DIS3L2: variants seen among roughly 807,000 people sequenced by gnomAD.
The protein encoded by DIS3L2 is DIS3-like exonuclease 2.
A neutral mutation model predicts 97.5 loss-of-function variants in DIS3L2; 34 were observed. The observed-to-expected ratio is 0.35, with a 90% CI of 0.27 to 0.46. DIS3L2 has a LOEUF of 0.46. DIS3L2 is among the 20% of genes least tolerant of loss of function. The pLI is 1.00. For synonymous variants in DIS3L2, 435 were observed against 445.2 expected, an observed-to-expected ratio of 0.98 and a Z score of 0.29; for missense variants, 1,038 against 1,146.0, an observed-to-expected ratio of 0.91 and a Z score of 1.36.
chr2:232,167,996 C>T (rs1053095944), intron 9 of DIS3L2, among the ~76,000 whole-genome samples: 3 of 151,804 alleles, frequency 2.0e-5, no homozygotes, highest in African/African-American at 7.3e-5. Flanking sequence ...TACAGTGAGC[C>T]GAGATTGTGC....
rs76845753 is a variant in DIS3L2 at position 232,269,416 on chromosome 2, A to G, written c.1659+5976A>G. On this transcript the variant is annotated intron_variant, in intron 13 of 20. Transcript: ENST00000325385. This position sits in a 1 kb window ranked among gnomAD's most constrained non-coding sequence, Gnocchi z 4.5. ...TGTCACTTAAACACACGAGGAAGCT[A>G]TTGATCACAGGGTTGAGTATATTTG... is the stretch of plus-strand genomic sequence containing the variant. 0.022 allele frequency among the ~76,000 whole-genome samples: 3,319 copies of G among 152,296 alleles called. 116 individuals carry two copies. The highest frequency in any genetic ancestry group is 0.074 in the African/African-American group (3,092 of 41,544).
At chr2:232,231,770 C>A (rs1205593177) in intron 10 of DIS3L2, among the ~76,000 whole-genome samples, 1 of 152,194 alleles carries the variant, frequency 6.6e-6, no homozygotes, top group African/African-American at 2.4e-5. Flanking sequence ...TTGTTACTTT[C>A]TTTTTCATTC....
intron 5 of DIS3L2, among the ~76,000 whole-genome samples, chr2:232,047,810 G>T (rs1673605770): frequency 6.6e-6 from 1 of 152,134 alleles, no homozygotes; most frequent in South Asian, 2.1e-4. Flanking sequence ...CATATAAATA[G>T]AATTGTACAA....
intron 8 of DIS3L2, among the ~76,000 whole-genome samples, chr2:232,161,118 A>G (rs988457266): frequency 6.6e-6 from 1 of 152,066 alleles, no homozygotes; most frequent in African/African-American, 2.4e-5. Flanking sequence ...GGGTTTCACC[A>G]TGTTGACCAG....
At chr2:231,981,706 G>A (rs1412807568) in intron 1 of DIS3L2, among the ~76,000 whole-genome samples, 2 of 145,176 alleles carry the variant, frequency 1.4e-5, no homozygotes, top group African/African-American at 5.1e-5. Context: ...TTTTAATTAA[G>A]TGCTTATTAA....
At chr2:232,148,298 T>C (rs1305391082) in intron 8 of DIS3L2, among the ~76,000 whole-genome samples, 2 of 152,060 alleles carry the variant, frequency 1.3e-5, no homozygotes, top group African/African-American at 4.8e-5. Flanking sequence ...CCACCCGCCT[T>C]GGCCTCCCAA....
chr2:232,087,889 A>G, intron 6 of DIS3L2, 168 bp downstream of exon 6: 1 of 596,684 alleles, frequency 1.7e-6, no homozygotes, highest in South Asian at 2.2e-5. Context: ...GCTGCTGGTT[A>G]TGAAAGAGGG....
chr2:232,259,165 A>G (rs762872759), intron 12 of DIS3L2, among the ~76,000 whole-genome samples: 5 of 152,214 alleles, frequency 3.3e-5, no homozygotes, highest in Non-Finnish European at 5.9e-5. Context: ...AGACGACTGA[A>G]GTGAAGCAAA....
chr2:232,280,138 T>C (rs976134784), intron 13 of DIS3L2, among the ~76,000 whole-genome samples: 3 of 152,240 alleles, frequency 2.0e-5, no homozygotes, highest in African/African-American at 7.2e-5. Flanking sequence ...AGTTTCTTCC[T>C]TTTTTAAAAC....
chr2:231,992,136 G>A (rs974214930), intron 1 of DIS3L2, among the ~76,000 whole-genome samples: 1 of 152,130 alleles, frequency 6.6e-6, no homozygotes, highest in South Asian at 2.1e-4. Flanking sequence ...CAAAGATTTC[G>A]TGGTCAAATA....
At chr2:232,083,880 T>G (rs911538334) in intron 5 of DIS3L2, among the ~76,000 whole-genome samples, 1 of 152,122 alleles carries the variant, frequency 6.6e-6, no homozygotes, top group Non-Finnish European at 1.5e-5. Flanking sequence ...CTTCTCTCTC[T>G]GAGATAAAGT....
chr2:232,055,797 G>A (rs76675213), intron 5 of DIS3L2, among the ~76,000 whole-genome samples: 2,945 of 152,280 alleles, frequency 0.019, 44 homozygotes, highest in Non-Finnish European at 0.031. Context: ...GAATGGGATA[G>A]AAAGTCCAGA....
At chr2:232,226,806 A>G (rs757050730) in intron 10 of DIS3L2, among the ~76,000 whole-genome samples, 59 of 152,282 alleles carry the variant, frequency 3.9e-4, no homozygotes, top group Non-Finnish European at 6.3e-4. Context: ...CCGTCTCTAC[A>G]AAGAATTAAA....
At chr2:232,018,791 A>G (rs1392354091) in intron 3 of DIS3L2, among the ~76,000 whole-genome samples, 2 of 152,010 alleles carry the variant, frequency 1.3e-5, no homozygotes, top group Non-Finnish European at 2.9e-5. Flanking sequence ...ATTTTTTCCT[A>G]TGTGGGGAGG....
intron 5 of DIS3L2, among the ~76,000 whole-genome samples, chr2:232,050,263 T>G (rs549082863): frequency 6.6e-6 from 1 of 152,220 alleles, no homozygotes; most frequent in East Asian, 1.9e-4. Flanking sequence ...CTCCACTTAG[T>G]TGTAGACATT....
chr2:232,049,833 CA>C (rs1427202891), intron 5 of DIS3L2, among the ~76,000 whole-genome samples: 5 of 152,216 alleles, frequency 3.3e-5, no homozygotes, highest in Non-Finnish European at 7.3e-5. Flanking sequence ...GCGTTGGGCA[CA>C]GTGCCACTTC....
rs1315237367 is a variant in DIS3L2 at position 232,283,955 on chromosome 2, A to G, written c.1660-16085A>G. Reference sequence around the variant, plus strand: ...CTGCGTTTGATATTGTGCTATAATTATGTAAGATGGAACCTTGGGTGGAAA... The same window carrying G: ...CTGCGTTTGATATTGTGCTATAATTGTGTAAGATGGAACCTTGGGTGGAAA... On this transcript the variant is annotated intron_variant, in intron 13 of 20. Transcript: ENST00000325385. Among the ~76,000 whole-genome samples the G allele has an allele frequency of 4.6e-5, 7 of 152,336 alleles. No individual in the cohort carries two copies. In the South Asian group the frequency reaches 1.2e-3, roughly 27 times the overall value.
chr2:232,223,672 G>A (rs1692564081), intron 10 of DIS3L2, among the ~76,000 whole-genome samples: 1 of 152,190 alleles, frequency 6.6e-6, no homozygotes, highest in Non-Finnish European at 1.5e-5. Flanking sequence ...GACATCAAGG[G>A]GGATAATAAT....
intron 16 of DIS3L2, among the ~76,000 whole-genome samples, chr2:232,333,247 C>T (rs1388015348): frequency 7.8e-6 from 1 of 128,616 alleles, no homozygotes; most frequent in Non-Finnish European, 1.7e-5. Context: ...CCTCCTCCTC[C>T]TCCTCCTCCG....
Sources: allele counts gnomAD v4.1 joint callset (sites outside exome capture counted in the v4.1 genomes callset), GRCh38; gene constraint gnomAD v4.1.1; non-coding constraint Gnocchi (gnomAD v3.1); transcripts MANE v1.5; gene names NCBI Gene and HGNC (gene_info 2026-07-23, HGNC 2026-07-21).